Variants in SH2D4A observed in about 807,000 individuals in gnomAD.
SH2D4A encodes SH2 domain-containing protein 4A.
Under a neutral mutation model 64.7 loss-of-function variants are expected in SH2D4A, and 70 were observed. That is an observed-to-expected ratio of 1.08 (90% CI 0.89 to 1.32). The LOEUF is 1.32. Ranked by LOEUF, SH2D4A falls within the 40% of genes most tolerant of loss-of-function variation. SH2D4A has a pLI of 0.00. For missense variants in SH2D4A, 706 were observed against 540.1 expected, an observed-to-expected ratio of 1.31 and a Z score of -3.04; for synonymous variants, 268 against 200.7, an observed-to-expected ratio of 1.34 and a Z score of -2.83.
At chr8:19,385,213 GTT>G (rs372352861) in intron 8 of SH2D4A, among the ~76,000 whole-genome samples, 35 of 140,500 alleles carry the variant, frequency 2.5e-4, no homozygotes, top group South Asian at 6.8e-4. Flanking sequence ...CTGTTTTTTT[GTT>G]TTTTTTTTTT....
In SH2D4A at chr8:19,364,052, C is replaced by T. The variant is rs546409566; in HGVS notation, c.707-20C>T. On this transcript the variant is annotated intron_variant, in intron 6 of 9. Transcript: ENST00000265807. ...TCTGTGGGCTGATGAGGGTTTTCTC[C>T]GACCCCGTTGTTTTTCCAGTGCGAA... 195 of 1,612,798 alleles carry T rather than the reference C, an allele frequency of 1.2e-4. No individual in the cohort carries two copies. Among genetic ancestry groups the T allele is most frequent in the Middle Eastern group, 3.4e-4 (2 of 5,878 alleles).
In SH2D4A at chr8:19,361,314, C is replaced by G. The variant is rs532388029; in HGVS notation, c.706C>G (p.Leu236Val). 10 of 1,608,202 alleles carry G rather than the reference C, an allele frequency of 6.2e-6. No homozygotes were observed. The highest frequency in any genetic ancestry group is 8.5e-6 in the Non-Finnish European group (10 of 1,178,342). ...WKEDSEWQASLRKSKAADEKR... is the reference protein window; with the variant it reads ...WKEDSEWQASVRKSKAADEKR... ...AGAAGACTCGGAATGGCAGGCATCT[C>G]GTGAGTACCCAGAGGTCTCCATAGC... Residue 236 changes from leucine to valine, a missense_variant and splice_region_variant, in exon 6 of 10, where the codon CTG (leucine) becomes GTG (valine). Leu to Val is a conservative substitution (Grantham distance 32). Coordinates refer to ENST00000265807, the MANE Select transcript of SH2D4A (RefSeq NM_022071.4).
At chr8:19,346,306 A>G (rs2052612101) in intron 4 of SH2D4A, among the ~76,000 whole-genome samples, 1 of 152,158 alleles carries the variant, frequency 6.6e-6, no homozygotes, top group African/African-American at 2.4e-5. Context: ...GCAAGCCAGC[A>G]TTACTCCCTG....
intron 7 of SH2D4A, among the ~76,000 whole-genome samples, chr8:19,368,499 AT>A (rs2053039994): frequency 1.3e-5 from 2 of 151,472 alleles, no homozygotes; most frequent in African/African-American, 4.8e-5. Context: ...TGGGATGTCT[AT>A]TTTTTTGTTG....
intron 3 of SH2D4A, among the ~76,000 whole-genome samples, chr8:19,334,227 CTG>C (rs920823371): frequency 7.9e-5 from 12 of 152,164 alleles, no homozygotes; most frequent in African/African-American, 2.9e-4. Flanking sequence ...AAAGCAGACT[CTG>C]TGGCACAGTG....
chr8:19,342,329 T>G (rs2052542183), intron 4 of SH2D4A, among the ~76,000 whole-genome samples: 1 of 152,248 alleles, frequency 6.6e-6, no homozygotes, highest in South Asian at 2.1e-4. Context: ...TACAGTTACT[T>G]CTTCATTATC....
intron 2 of SH2D4A, among the ~76,000 whole-genome samples, chr8:19,321,064 A>G (rs2052182138): frequency 6.6e-6 from 1 of 152,226 alleles, no homozygotes; most frequent in Admixed American, 6.5e-5. Context: ...GTTATGATCA[A>G]TACAACTATT....
At chr8:19,380,663 G>C (rs1585204981) in intron 8 of SH2D4A, among the ~76,000 whole-genome samples, 1 of 152,120 alleles carries the variant, frequency 6.6e-6, no homozygotes, top group East Asian at 1.9e-4. Flanking sequence ...TAGCACCTTT[G>C]TCAAAAATCA....
intron 8 of SH2D4A, among the ~76,000 whole-genome samples, chr8:19,375,939 CCT>C (rs972662298): frequency 1.1e-4 from 16 of 152,060 alleles, no homozygotes; most frequent in Non-Finnish European, 1.6e-4. Context: ...TTGATCTGCC[CCT>C]GTCTATTGCT....
intron 6 of SH2D4A, chr8:19,363,855 A>G (rs1213095799): frequency 1.8e-6 from 1 of 546,222 alleles, no homozygotes; most frequent in African/African-American, 1.9e-5. Flanking sequence ...CCCTCTCAGA[A>G]AACCCCCAGT....
chr8:19,368,345 G>C (rs2053037031), intron 7 of SH2D4A, among the ~76,000 whole-genome samples: 1 of 152,084 alleles, frequency 6.6e-6, no homozygotes, highest in Admixed American at 6.6e-5. Context: ...ATTCGTAGTA[G>C]TCTTTTCTGG....
intron 8 of SH2D4A, among the ~76,000 whole-genome samples, chr8:19,381,944 G>A (rs1315537537): frequency 6.6e-6 from 1 of 151,776 alleles, no homozygotes; most frequent in Non-Finnish European, 1.5e-5. Context: ...GTGTTACATT[G>A]ATCGATTTTC....
intron 4 of SH2D4A, among the ~76,000 whole-genome samples, chr8:19,349,892 C>T (rs755704633): frequency 2.6e-5 from 4 of 152,126 alleles, no homozygotes; most frequent in African/African-American, 9.7e-5. Flanking sequence ...TTAGTAGAGA[C>T]GGGGCTTCAC....
intron 4 of SH2D4A, among the ~76,000 whole-genome samples, chr8:19,347,085 A>G (rs1423845130): frequency 6.6e-6 from 1 of 152,270 alleles, no homozygotes; most frequent in East Asian, 1.9e-4. Context: ...ACTTTTTGGC[A>G]GTGGTGATGC....
intron 2 of SH2D4A, among the ~76,000 whole-genome samples, 156 bp from the exon 3 acceptor site, chr8:19,332,799 C>T (rs1034574274): frequency 6.6e-5 from 10 of 151,810 alleles, no homozygotes; most frequent in Non-Finnish European, 1.5e-5. Context: ...GCCATTGCTA[C>T]CTACAGATGT....
intron 6 of SH2D4A, 89 bp from the exon 7 acceptor site, chr8:19,363,983 C>T (rs775473035): frequency 3.0e-4 from 373 of 1,224,060 alleles, no homozygotes; most frequent in Non-Finnish European, 3.9e-4. Flanking sequence ...TGAGAACCTG[C>T]GCTGCTGCCC....
At chr8:19,335,686 C>T (rs532651069) in intron 4 of SH2D4A, among the ~76,000 whole-genome samples, 32 of 152,248 alleles carry the variant, frequency 2.1e-4, no homozygotes, top group African/African-American at 7.0e-4. Context: ...CTTTTTGTTG[C>T]GGATTCTAAA....
rs141803253 is a variant in SH2D4A at position 19,368,361 on chromosome 8, T to C, written c.917+4079T>C. 8.0e-3 allele frequency among the ~76,000 whole-genome samples: 1,221 copies of C among 152,280 alleles called. 9 individuals are homozygous for C. Among genetic ancestry groups the C allele is most frequent in the African/African-American group, 0.028 (1,157 of 41,572 alleles). On this transcript the variant is annotated intron_variant, in intron 7 of 9. Coordinates refer to ENST00000265807, the MANE Select transcript of SH2D4A (RefSeq NM_022071.4). ...TTCGTAGTAGTCTTTTCTGGTTGCA[T>C]AGAAATTTTGAAAGTTTTTTCTTTT... is the stretch of plus-strand genomic sequence containing the variant.
chr8:19,366,113 A>G (rs770148897), intron 7 of SH2D4A, among the ~76,000 whole-genome samples: 15 of 152,158 alleles, frequency 9.9e-5, no homozygotes, highest in Non-Finnish European at 2.2e-4. Flanking sequence ...TTACAATACT[A>G]GTAGTTCATC....
Sources: gnomAD v4.1 joint callset for allele counts (sites outside exome capture counted in the v4.1 genomes callset) on GRCh38, gnomAD v4.1.1 for gene constraint, MANE v1.5 for transcripts, NCBI Gene and HGNC (gene_info 2026-07-23, HGNC 2026-07-21) for gene names.